Variants in HSPA9 observed in about 807,000 individuals in gnomAD.
The protein encoded by HSPA9 is heat shock protein family A (Hsp70) member 9.
HSPA9 carries 28 observed loss-of-function variants against 81.5 expected under a neutral mutation model. The observed-to-expected ratio is 0.34, with a 90% CI of 0.25 to 0.47. The LOEUF (loss-of-function observed/expected upper bound fraction) is 0.47, where lower values mean the gene tolerates loss of function less well. HSPA9 is among the 20% of genes least tolerant of loss of function. HSPA9 has a pLI of 1.00. For synonymous variants in HSPA9, 293 were observed against 290.4 expected (o/e 1.01, Z -0.09); for missense variants, 678 against 838.0 (o/e 0.81, Z 2.36).
chr5:138,574,266 G>C (rs537243344), intron 1 of HSPA9, 140 bp from the exon 2 acceptor site: 1 of 684,846 alleles, frequency 1.5e-6, no homozygotes, highest in African/African-American at 1.8e-5. Context: ...TAAGTAAGAC[G>C]AAAAAAGGTA....
rs753040175 is a variant in HSPA9, at chr5:138,575,335, A to G, written c.-17T>C. 14 of 1,603,042 alleles carry G rather than the reference A, an allele frequency of 8.7e-6. No individual in the cohort carries two copies. Among genetic ancestry groups the G allele is most frequent in the Non-Finnish European group, 1.1e-5 (13 of 1,172,050 alleles). ...ACTTATCATGGCGGATAAATGGAGG[A>G]GTACGAGGCAGCAAACAAGCGCTCC... On this transcript the variant is annotated 5_prime_UTR_variant, in exon 1 of 17. Transcript: ENST00000297185.
intron 9 of HSPA9, among the ~76,000 whole-genome samples, chr5:138,562,579 T>TC (rs927160435): frequency 6.6e-6 from 1 of 151,970 alleles, no homozygotes; most frequent in Non-Finnish European, 1.5e-5. Flanking sequence ...ATGTTTTATC[T>TC]CCCCAGAGAT....
intron 8 of HSPA9, 35 bp downstream of exon 8, chr5:138,566,966 C>A: frequency 6.3e-7 from 1 of 1,590,032 alleles, no homozygotes; most frequent in Non-Finnish European, 8.6e-7. Context: ...TCTCAATATC[C>A]CAACGTCTAC....
chr5:138,573,726 G>T, intron 3 of HSPA9, 37 bp downstream of exon 3: 2 of 1,213,670 alleles, frequency 1.6e-6, no homozygotes, highest in South Asian at 1.2e-5. Context: ...ATTCTGGACA[G>T]ATTCTGGATA....
At chr5:138,564,295 G>A (rs1238039287) in intron 9 of HSPA9, among the ~76,000 whole-genome samples, 1 of 152,122 alleles carries the variant, frequency 6.6e-6, no homozygotes, top group African/African-American at 2.4e-5. Flanking sequence ...GTAGAGACAC[G>A]GTTTCACCGT....
Sources: gnomAD v4.1 joint callset for allele counts (sites outside exome capture counted in the v4.1 genomes callset) on GRCh38, gnomAD v4.1.1 for gene constraint, MANE v1.5 for transcripts, NCBI Gene and HGNC (gene_info 2026-07-23, HGNC 2026-07-21) for gene names.